The following ENPP3 variants were observed in gnomAD, a reference collection of about 807,000 sequenced individuals.
The protein encoded by ENPP3 is ectonucleotide pyrophosphatase/phosphodiesterase family member 3.
ENPP3 carries 104 observed loss-of-function variants against 117.8 expected under a neutral mutation model. The ratio of observed to expected loss-of-function variants is 0.88; its 90% CI spans 0.75 to 1.04. The LOEUF (loss-of-function observed/expected upper bound fraction) is 1.04, where lower values mean the gene tolerates loss of function less well. Ranked by LOEUF, ENPP3 falls within the 50% of genes least tolerant of loss-of-function variation. The pLI is 0.00. For synonymous variants in ENPP3, 380 were observed against 349.9 expected (o/e 1.09, Z -0.96); for missense variants, 1,026 against 1,051.9 (o/e 0.98, Z 0.34).
intron 14 of ENPP3, 82 bp from the exon 15 acceptor site, chr6:131,693,415 C>G (rs1201890849): frequency 7.9e-6 from 10 of 1,270,200 alleles, no homozygotes; most frequent in Non-Finnish European, 1.1e-5. Context: ...AAAGGTGCTT[C>G]ATAAATTGAT....
chr6:131,681,613 C>T (rs1562448532), intron 11 of ENPP3, among the ~76,000 whole-genome samples: 1 of 151,956 alleles, frequency 6.6e-6, no homozygotes, highest in Non-Finnish European at 1.5e-5. Context: ...AACACAAAGG[C>T]AGTGAGTATA....
At position 131,726,220 on chromosome 6, in the gene ENPP3, G is replaced by C; in HGVS notation, c.1953+20G>C. ...CAGTTGGTAAGTTCCTGAGTCCATT[G>C]ATCCATGCAGGCAAGAAATATTTAT... On this transcript the variant is annotated intron_variant, in intron 20 of 24. Coordinates refer to ENST00000357639, the MANE Select transcript of ENPP3 (RefSeq NM_005021.5). 6.2e-7 allele frequency: 1 copy of C among 1,605,430 alleles called. No individual in the cohort carries two copies. Among genetic ancestry groups the C allele is most frequent in the Non-Finnish European group, 8.5e-7 (1 of 1,173,904 alleles).
intron 20 of ENPP3, among the ~76,000 whole-genome samples, chr6:131,732,476 G>A (rs996061959): frequency 9.9e-5 from 15 of 151,824 alleles, no homozygotes; most frequent in African/African-American, 3.6e-4. Flanking sequence ...GCAGTGGCAC[G>A]ATCTCAGCTG....
At chr6:131,692,685 A>ATAT (rs1387836500) in intron 14 of ENPP3, among the ~76,000 whole-genome samples, 2 of 146,558 alleles carry the variant, frequency 1.4e-5, no homozygotes, top group African/African-American at 5.0e-5. Context: ...ATATGGTTAT[A>ATAT]TATATTACAT....
chr6:131,668,206 GTTTTTTTTTTTTT>G (rs557047103), intron 6 of ENPP3, among the ~76,000 whole-genome samples: 1 of 69,906 alleles, frequency 1.4e-5, no homozygotes, highest in African/African-American at 6.2e-5. Context: ...CTCGCTCTGC[GTTTTTTTTTTTTT>G]TTTTTTTTTT....
chr6:131,650,493 G>A (rs1230149678), intron 3 of ENPP3, among the ~76,000 whole-genome samples: 1 of 152,146 alleles, frequency 6.6e-6, no homozygotes, highest in Non-Finnish European at 1.5e-5. Context: ...AAAGTGCTGG[G>A]ATTATAGGCA....
At chr6:131,674,544 G>T in intron 8 of ENPP3, 14 of 436,910 alleles carry the variant, frequency 3.2e-5, no homozygotes, top group South Asian at 1.4e-4. Context: ...ATCTGTTAAT[G>T]TTTTTCCTCA....
intron 1 of ENPP3, among the ~76,000 whole-genome samples, chr6:131,640,966 T>C (rs369389953): frequency 1.3e-5 from 2 of 152,230 alleles, no homozygotes; most frequent in Non-Finnish European, 2.9e-5. Context: ...GTTAACTATT[T>C]GGACAATGTA....
At chr6:131,680,232 G>A (rs1440105497) in intron 11 of ENPP3, among the ~76,000 whole-genome samples, 1 of 152,186 alleles carries the variant, frequency 6.6e-6, no homozygotes, top group Non-Finnish European at 1.5e-5. Flanking sequence ...AGATATAACT[G>A]AGATTCTTTT....
intron 2 of ENPP3, among the ~76,000 whole-genome samples, chr6:131,643,918 G>T (rs1288430138): frequency 6.7e-6 from 1 of 148,384 alleles, no homozygotes; most frequent in Non-Finnish European, 1.5e-5. Context: ...AGGAATCAGG[G>T]TCGTCTGTGT....
chr6:131,738,219 T>C, intron 23 of ENPP3, 56 bp downstream of exon 23: 1 of 1,392,384 alleles, frequency 7.2e-7, no homozygotes, highest in Non-Finnish European at 1.0e-6. Flanking sequence ...GAAATTCCAA[T>C]ATTTTAAGTA....
At chr6:131,670,422 C>T (rs1778714465) in intron 6 of ENPP3, among the ~76,000 whole-genome samples, 1 of 152,220 alleles carries the variant, frequency 6.6e-6, no homozygotes, top group Non-Finnish European at 1.5e-5. Context: ...AACTGGTTCA[C>T]TCTACTCGTT....
chr6:131,658,890 C>T (rs1269059561), intron 6 of ENPP3, among the ~76,000 whole-genome samples: 1 of 152,174 alleles, frequency 6.6e-6, no homozygotes, highest in Non-Finnish European at 1.5e-5. Context: ...CCTGACTCTA[C>T]TACTTGCTAG....
chr6:131,717,854 T>G (rs1779931945), intron 15 of ENPP3, among the ~76,000 whole-genome samples: 1 of 152,190 alleles, frequency 6.6e-6, no homozygotes, highest in Non-Finnish European at 1.5e-5. Flanking sequence ...AATACTATAG[T>G]TCTACTATAA....
chr6:131,739,031 G>A (rs1202247339), intron 23 of ENPP3, among the ~76,000 whole-genome samples: 2 of 152,024 alleles, frequency 1.3e-5, no homozygotes, highest in Non-Finnish European at 2.9e-5. Context: ...TATATGCTAG[G>A]TACTTTATAA....
intron 6 of ENPP3, among the ~76,000 whole-genome samples, chr6:131,659,511 A>C (rs1778454488): frequency 6.6e-6 from 1 of 152,090 alleles, no homozygotes; most frequent in Non-Finnish European, 1.5e-5. Context: ...CAAGTTATTA[A>C]AAATAGCTAT....
chr6:131,697,014 C>G (rs1278217827), intron 15 of ENPP3, among the ~76,000 whole-genome samples: 2 of 152,266 alleles, frequency 1.3e-5, no homozygotes, highest in African/African-American at 4.8e-5. Flanking sequence ...CATGATCCGC[C>G]CTCCTTGGTC....
At chr6:131,692,536 T>A (rs1779301764) in intron 14 of ENPP3, among the ~76,000 whole-genome samples, 1 of 151,002 alleles carries the variant, frequency 6.6e-6, no homozygotes, top group East Asian at 1.9e-4. Flanking sequence ...TTAATTTTTT[T>A]ACTCATATCT....
chr6:131,643,299 A>G (rs1458869731), intron 2 of ENPP3, among the ~76,000 whole-genome samples: 2 of 152,128 alleles, frequency 1.3e-5, no homozygotes, highest in Admixed American at 1.3e-4. Flanking sequence ...CTTCTTGGCT[A>G]TTTTACCCCC....
Sources: gnomAD v4.1 joint callset for allele counts (sites outside exome capture counted in the v4.1 genomes callset) on GRCh38, gnomAD v4.1.1 for gene constraint, MANE v1.5 for transcripts, NCBI Gene and HGNC (gene_info 2026-07-23, HGNC 2026-07-21) for gene names.